The following GALNT13 variants were observed in gnomAD, a reference collection of about 807,000 sequenced individuals.
GALNT13 encodes polypeptide N-acetylgalactosaminyltransferase 13, also known as UDP-GalNAc:polypeptide N-acetylgalactosaminyltransferase 13.
In GALNT13, 28 loss-of-function variants were observed where a neutral mutation model predicts 64.2. That is an observed-to-expected ratio of 0.44 (90% confidence interval 0.32 to 0.60). The LOEUF is 0.60. Ranked by LOEUF, GALNT13 falls within the 20% of genes least tolerant of loss-of-function variation. The pLI is 0.05. For synonymous variants in GALNT13, 214 were observed against 224.6 expected (o/e 0.95, Z 0.42); for missense variants, 577 against 669.8 (o/e 0.86, Z 1.53).
chr2:153,721,312 C>T, the GALNT13 span, among the ~76,000 whole-genome samples: 17 of 144,520 alleles, frequency 1.2e-4, 1 homozygote, highest in East Asian at 1.4e-3. Flanking sequence ...CTGAAGGAAG[C>T]GCTAAACATG....
At chr2:153,993,491 C>T (rs966508543) in intron 3 of GALNT13, among the ~76,000 whole-genome samples, 1 of 151,702 alleles carries the variant, frequency 6.6e-6, no homozygotes, top group Non-Finnish European at 1.5e-5. Context: ...GTCAGGAGAT[C>T]GAGACCATCC....
chr2:153,807,543 TC>T, the GALNT13 span, among the ~76,000 whole-genome samples: 1 of 151,960 alleles, frequency 6.6e-6, no homozygotes, highest in Non-Finnish European at 1.5e-5. Context: ...TGATGAAAAC[TC>T]CCATCATTAG....
intron 4 of GALNT13, among the ~76,000 whole-genome samples, chr2:154,157,461 C>A (rs758515936): frequency 3.9e-5 from 6 of 152,160 alleles, no homozygotes; most frequent in Non-Finnish European, 7.3e-5. Flanking sequence ...AATCCTCCTA[C>A]CTCAGCCTCC....
intron 9 of GALNT13, among the ~76,000 whole-genome samples, chr2:154,329,406 A>C (rs2105188261): frequency 6.6e-6 from 1 of 152,262 alleles, no homozygotes; most frequent in East Asian, 1.9e-4. Context: ...CCCAGCCTGA[A>C]ATTTTATTCT....
At chr2:154,227,216 G>A (rs1688665757) in intron 4 of GALNT13, among the ~76,000 whole-genome samples, 1 of 152,064 alleles carries the variant, frequency 6.6e-6, no homozygotes, top group Non-Finnish European at 1.5e-5. Flanking sequence ...GATGATGTGG[G>A]GAGGGGCTGT....
At chr2:154,168,062 G>A (rs1474470578) in intron 4 of GALNT13, among the ~76,000 whole-genome samples, 1 of 152,190 alleles carries the variant, frequency 6.6e-6, no homozygotes, top group African/African-American at 2.4e-5. Flanking sequence ...TGGAGTCCAA[G>A]TGGGGTGGGT....
intron 11 of GALNT13, among the ~76,000 whole-genome samples, chr2:154,417,723 G>A (rs1020092887): frequency 2.0e-5 from 3 of 151,662 alleles, no homozygotes; most frequent in African/African-American, 7.3e-5. Flanking sequence ...TGTTGGCCAG[G>A]ATGGTCTCGA....
rs140233767 is a variant in GALNT13 at position 154,292,341 on chromosome 2, C to T, written c.976-9068C>T. On this transcript the variant is annotated intron_variant, in intron 8 of 12. Transcript: ENST00000392825. ...AATTGTATCAAGTTATTAAATTCCT[C>T]TCTATTTCACTGCCATCACCTTGGG... 3.2e-4 allele frequency among the ~76,000 whole-genome samples: 49 copies of T among 152,248 alleles called. No homozygotes were observed. In the East Asian group the frequency reaches 8.5e-3, roughly 26 times the overall value.
chr2:153,928,694 T>C (rs1690314596), intron 2 of GALNT13, among the ~76,000 whole-genome samples: 1 of 152,190 alleles, frequency 6.6e-6, no homozygotes, highest in Admixed American at 6.5e-5. Flanking sequence ...GGCCCATATA[T>C]TCCTTTTTAA....
the GALNT13 span, among the ~76,000 whole-genome samples, chr2:153,360,030 T>C: frequency 6.6e-6 from 1 of 152,114 alleles, no homozygotes; most frequent in Non-Finnish European, 1.5e-5. Flanking sequence ...GCAGCAGTGA[T>C]AGGAGGCTCC....
chr2:153,529,116 A>G, the GALNT13 span, among the ~76,000 whole-genome samples: 1 of 152,006 alleles, frequency 6.6e-6, no homozygotes, highest in African/African-American at 2.4e-5. Context: ...AACAATACAA[A>G]AATCACTGAA....
intron 11 of GALNT13, 176 bp downstream of exon 11, chr2:154,409,258 T>G (rs1000778805): frequency 3.3e-6 from 2 of 601,006 alleles, no homozygotes; most frequent in Non-Finnish European, 5.9e-6. Flanking sequence ...AAAGGAGAGC[T>G]GAAAAATTAA....
the GALNT13 span, among the ~76,000 whole-genome samples, chr2:153,457,436 A>C: frequency 1.1e-4 from 17 of 152,328 alleles, no homozygotes; most frequent in Admixed American, 5.2e-4. Flanking sequence ...AGACTATTAT[A>C]TGATCAATAT....
chr2:154,193,857 G>A (rs1231288624), intron 4 of GALNT13, among the ~76,000 whole-genome samples: 2 of 152,108 alleles, frequency 1.3e-5, no homozygotes, highest in Non-Finnish European at 2.9e-5. Context: ...TCTGTAAAAT[G>A]GGAATAATAA....
the GALNT13 span, among the ~76,000 whole-genome samples, chr2:153,853,886 A>T: frequency 1.3e-5 from 2 of 151,868 alleles, no homozygotes; most frequent in Non-Finnish European, 2.9e-5. Context: ...GAGTTATAAG[A>T]GAGGAATTAT....
At chr2:154,225,145 TGAC>T (rs766790652) in intron 4 of GALNT13, among the ~76,000 whole-genome samples, 4,208 of 105,678 alleles carry the variant, frequency 0.04, 91 homozygotes, top group African/African-American at 0.066. Context: ...GATAGATAGA[TGAC>T]AGATAGATAG....
chr2:153,541,976 G>T, the GALNT13 span, among the ~76,000 whole-genome samples: 1 of 152,098 alleles, frequency 6.6e-6, no homozygotes, highest in South Asian at 2.1e-4. Flanking sequence ...GGGTGAAGGG[G>T]ATATTTTCTC....
At chr2:153,445,294 C>T in the GALNT13 span, among the ~76,000 whole-genome samples, 10 of 152,016 alleles carry the variant, frequency 6.6e-5, no homozygotes, top group African/African-American at 1.9e-4. Flanking sequence ...ACAAGCAGAA[C>T]CATAAGTTGC....
At chr2:153,180,519 T>C in the GALNT13 span, among the ~76,000 whole-genome samples, 1 of 152,190 alleles carries the variant, frequency 6.6e-6, no homozygotes, top group African/African-American at 2.4e-5. Context: ...CACTCTATTA[T>C]CAGAGTAGTG....
Sources: gnomAD v4.1 joint callset for allele counts (sites outside exome capture counted in the v4.1 genomes callset) on GRCh38, gnomAD v4.1.1 for gene constraint, MANE v1.5 for transcripts, NCBI Gene and HGNC (gene_info 2026-07-23, HGNC 2026-07-21) for gene names.